The following FREM1 variants were observed in gnomAD, a reference collection of about 807,000 sequenced individuals.
FREM1 encodes FRAS1-related extracellular matrix protein 1.
A neutral mutation model predicts 210.1 loss-of-function variants in FREM1; 220 were observed. The observed-to-expected ratio is 1.05, with a 90% CI of 0.94 to 1.17. The LOEUF (loss-of-function observed/expected upper bound fraction) is 1.17, where lower values mean the gene tolerates loss of function less well. Among genes scored for constraint, FREM1 ranks in the 50% most tolerant of loss-of-function variants. The pLI is 0.00. For missense variants in FREM1, 3,454 were observed against 2,675.5 expected (o/e 1.29, Z -6.42); for synonymous variants, 1,189 against 980.2 (o/e 1.21, Z -3.98).
At chr9:14,856,704 G>A (rs1164837712) in intron 5 of FREM1, among the ~76,000 whole-genome samples, 1 of 151,948 alleles carries the variant, frequency 6.6e-6, no homozygotes, top group Non-Finnish European at 1.5e-5. Context: ...GTGGTGGCAG[G>A]CGCCTGTAGT....
At chr9:14,802,478 T>C (rs893961087) in intron 19 of FREM1, among the ~76,000 whole-genome samples, 1 of 152,194 alleles carries the variant, frequency 6.6e-6, no homozygotes, top group East Asian at 1.9e-4. Context: ...CTCATCTCCC[T>C]CCCATTCTTA....
intron 1 of FREM1, among the ~76,000 whole-genome samples, chr9:14,903,811 G>A (rs544998583): frequency 3.3e-5 from 5 of 151,556 alleles, no homozygotes; most frequent in African/African-American, 4.9e-5. Context: ...ATATCTTTGA[G>A]CTCTTTCTAT....
Position 14,776,105 on chromosome 9 carries a change from C to G in FREM1, c.4541G>C (p.Gly1514Ala). 1.9e-6 allele frequency: 3 copies of G among 1,604,564 alleles called. No homozygotes were observed. Among genetic ancestry groups the G allele is most frequent in the African/African-American group, 2.7e-5 (2 of 74,860 alleles). ...RALPVVTRNK[G>A]LRLAQGAVGL... is the part of the protein sequence containing the mutation. The stretch of plus-strand genomic sequence containing the variant: ...CACGGCCCCTTGGGCCAGTCTCAAC[C>G]CCTTGTTCCTGGTTACCACAGGCAG... Residue 1514 changes from glycine to alanine, a missense_variant, in exon 25 of 37, where the codon GGG (glycine) becomes GCG (alanine). Coordinates refer to ENST00000380880, the MANE Select transcript of FREM1 (RefSeq NM_001379081.2).
chr9:14,802,675 A>T (rs1414552028), intron 19 of FREM1, among the ~76,000 whole-genome samples: 1 of 152,240 alleles, frequency 6.6e-6, no homozygotes, highest in African/African-American at 2.4e-5. Context: ...AGAACAAAAA[A>T]GTATTTCTGT....
At chr9:14,747,228 T>C (rs1283432272) in intron 33 of FREM1, 36 bp downstream of exon 33, 1 of 1,603,764 alleles carries the variant, frequency 6.2e-7, no homozygotes, top group Non-Finnish European at 8.5e-7. Flanking sequence ...AACAACTTGT[T>C]ATAAGGTGAG....
chr9:14,787,226 AAG>A (rs1428744569), intron 23 of FREM1, among the ~76,000 whole-genome samples: 1 of 152,170 alleles, frequency 6.6e-6, no homozygotes, highest in Non-Finnish European at 1.5e-5. Context: ...TATGGCTACA[AAG>A]TTATGCAGCA....
intron 10 of FREM1, among the ~76,000 whole-genome samples, chr9:14,825,253 C>T (rs1413139412): frequency 4.0e-5 from 6 of 151,702 alleles, no homozygotes; most frequent in African/African-American, 7.3e-5. Context: ...TTTGGAAGGC[C>T]GAGGTGGGCA....
chr9:14,881,245 T>C (rs1188371684), intron 1 of FREM1, among the ~76,000 whole-genome samples: 1 of 152,186 alleles, frequency 6.6e-6, no homozygotes, highest in Non-Finnish European at 1.5e-5. Flanking sequence ...TGATTCAGAG[T>C]CAATTTCCTG....
intron 1 of FREM1, among the ~76,000 whole-genome samples, chr9:14,904,454 C>T (rs2132681263): frequency 6.6e-6 from 1 of 152,302 alleles, no homozygotes; most frequent in South Asian, 2.1e-4. Context: ...AAGTTAGCTT[C>T]CAATAAGCAA....
intron 1 of FREM1, among the ~76,000 whole-genome samples, chr9:14,881,346 T>A (rs1220074441): frequency 1.3e-5 from 2 of 152,216 alleles, no homozygotes; most frequent in African/African-American, 4.8e-5. Flanking sequence ...TCAGTTACTA[T>A]CCCACACTTT....
chr9:14,748,721 G>T, intron 30 of FREM1, 82 bp from the exon 31 acceptor site: 1 of 899,272 alleles, frequency 1.1e-6, no homozygotes, highest in Non-Finnish European at 1.7e-6. Context: ...TCCTGGAGCA[G>T]CTTGTCATTA....
chr9:14,899,828 T>C (rs943303786), intron 1 of FREM1, among the ~76,000 whole-genome samples: 2 of 152,226 alleles, frequency 1.3e-5, no homozygotes, highest in African/African-American at 2.4e-5. Flanking sequence ...AAACTCATCA[T>C]GGTGGAAGGT....
intron 10 of FREM1, among the ~76,000 whole-genome samples, chr9:14,830,208 G>C (rs1256271384): frequency 1.3e-5 from 2 of 152,192 alleles, no homozygotes; most frequent in Non-Finnish European, 2.9e-5. Flanking sequence ...ATTCCCACAA[G>C]AAAGTCAGAT....
At chr9:14,873,677 C>T (rs534604288) in intron 1 of FREM1, among the ~76,000 whole-genome samples, 2 of 152,134 alleles carry the variant, frequency 1.3e-5, no homozygotes, top group African/African-American at 4.8e-5. Flanking sequence ...TTCAGTTCTG[C>T]TCTGATTTTA....
intron 23 of FREM1, among the ~76,000 whole-genome samples, chr9:14,784,996 A>C (rs1396344776): frequency 6.6e-6 from 1 of 152,216 alleles, no homozygotes; most frequent in African/African-American, 2.4e-5. Context: ...ACAATTTTGG[A>C]AAGAGTGTAA....
chr9:14,747,138 T>C (rs1004132383), intron 33 of FREM1, 87 bp from the exon 34 acceptor site: 4 of 1,592,560 alleles, frequency 2.5e-6, no homozygotes, highest in Admixed American at 1.7e-5. Context: ...CTTCATTTGT[T>C]GGGAAGCATT....
At position 14,747,740 on chromosome 9, in the gene FREM1, A is replaced by G; in HGVS notation, c.5797-12T>C. On this transcript the variant is annotated splice_polypyrimidine_tract_variant and intron_variant, in intron 31 of 36. Coordinates refer to ENST00000380880, the MANE Select transcript of FREM1 (RefSeq NM_001379081.2). ...GAGGATGGACGAACCTGAAATTGAC[A>G]GAGAACAAAATATGAACAGAATTGG... 6.6e-7 allele frequency: 1 copy of G among 1,519,508 alleles called. No homozygotes were observed. Among genetic ancestry groups the G allele is most frequent in the Non-Finnish European group, 8.9e-7 (1 of 1,121,842 alleles). The allele number at this position is 1,519,508 out of a possible 1,614,324, so 94.1% of individuals were successfully genotyped here.
chr9:14,767,919 G>A (rs1172157898), intron 27 of FREM1, among the ~76,000 whole-genome samples: 1 of 152,124 alleles, frequency 6.6e-6, no homozygotes, highest in Non-Finnish European at 1.5e-5. Context: ...AGTTGAACTG[G>A]AAACATCTCC....
intron 21 of FREM1, among the ~76,000 whole-genome samples, chr9:14,797,027 G>C (rs1292571182): frequency 6.6e-6 from 1 of 152,166 alleles, no homozygotes; most frequent in Non-Finnish European, 1.5e-5. Flanking sequence ...GGACAAAAAA[G>C]TACCAAGATA....
Sources: allele counts gnomAD v4.1 joint callset (sites outside exome capture counted in the v4.1 genomes callset), GRCh38; gene constraint gnomAD v4.1.1; transcripts MANE v1.5; gene names NCBI Gene and HGNC (gene_info 2026-07-23, HGNC 2026-07-21).